GRID2: variants seen among roughly 807,000 people sequenced by gnomAD.
The protein encoded by GRID2 is glutamate receptor ionotropic, delta-2.
Under a neutral mutation model 114.8 loss-of-function variants are expected in GRID2, and 33 were observed. The ratio of observed to expected loss-of-function variants is 0.29; its 90% CI spans 0.22 to 0.38. GRID2 has a LOEUF of 0.38. Ranked by LOEUF, GRID2 falls within the 10% of genes least tolerant of loss-of-function variation. The probability of loss-of-function intolerance (pLI) is 1.00; values close to 1 mark genes in which losing one functional copy is unlikely to be tolerated. For synonymous variants in GRID2, 505 were observed against 449.9 expected (o/e 1.12, Z -1.55); for missense variants, 1,184 against 1,257.7 (o/e 0.94, Z 0.89).
At chr4:92,869,239 T>C (rs1745104814) in intron 2 of GRID2, among the ~76,000 whole-genome samples, 1 of 152,208 alleles carries the variant, frequency 6.6e-6, no homozygotes, top group South Asian at 2.1e-4. Context: ...GTCTAATTTA[T>C]AGCAATATAA....
intron 4 of GRID2, among the ~76,000 whole-genome samples, chr4:93,198,337 C>T (rs1036633500): frequency 2.0e-5 from 3 of 151,906 alleles, no homozygotes; most frequent in African/African-American, 7.3e-5. Context: ...CATGGGGGAG[C>T]AATAATGGAT....
At chr4:93,381,040 C>A (rs1009171793) in intron 8 of GRID2, among the ~76,000 whole-genome samples, 2 of 151,822 alleles carry the variant, frequency 1.3e-5, no homozygotes, top group Non-Finnish European at 2.9e-5. Flanking sequence ...ATATTCTACC[C>A]CAGCCTTTAA....
At chr4:93,075,447 C>A (rs1055713996) in intron 2 of GRID2, among the ~76,000 whole-genome samples, 1 of 151,952 alleles carries the variant, frequency 6.6e-6, no homozygotes, top group Admixed American at 6.6e-5. Flanking sequence ...TACATCTATT[C>A]AAAATTGGAC....
chr4:93,349,989 A>G (rs1760638364), intron 8 of GRID2, among the ~76,000 whole-genome samples: 1 of 152,078 alleles, frequency 6.6e-6, no homozygotes, highest in Non-Finnish European at 1.5e-5. Context: ...ATATATGGTG[A>G]CTTAACAGAA....
chr4:93,042,202 C>A (rs962349160), intron 2 of GRID2, among the ~76,000 whole-genome samples: 1 of 149,528 alleles, frequency 6.7e-6, no homozygotes. Context: ...TGCACCCGGC[C>A]GAAATATACA....
intron 13 of GRID2, among the ~76,000 whole-genome samples, chr4:93,521,137 A>C (rs941617135): frequency 1.3e-5 from 2 of 152,144 alleles, no homozygotes; most frequent in Admixed American, 1.3e-4. Context: ...TCTTTGGCTT[A>C]CGTAGGTGGA....
At chr4:93,019,003 A>G (rs1412464979) in intron 2 of GRID2, among the ~76,000 whole-genome samples, 1 of 152,154 alleles carries the variant, frequency 6.6e-6, no homozygotes, top group Non-Finnish European at 1.5e-5. Context: ...TTATTTCACA[A>G]TATGTGAGTT....
intron 2 of GRID2, among the ~76,000 whole-genome samples, chr4:92,596,351 T>G (rs1261287960): frequency 6.6e-6 from 1 of 152,092 alleles, no homozygotes; most frequent in Non-Finnish European, 1.5e-5. Flanking sequence ...GTGCTCTGGT[T>G]AACTCTGGAC....
Position 92,942,344 on chromosome 4 carries a change from G to C in GRID2, c.245-142651G>C, listed in dbSNP as rs1414481816. Among the ~76,000 whole-genome samples the C allele has an allele frequency of 3.9e-5, 6 of 152,068 alleles. No individual in the cohort carries two copies. The East Asian group carries it at 1.2e-3, about 29-fold the overall frequency. On this transcript the variant is annotated intron_variant, in intron 2 of 15. Transcript: ENST00000282020. ...TGTAATGGCCTTCTTTGTCTCTTCT[G>C]ATATTTGTTGGTTTAAAGTCTGTTT...
chr4:92,450,131 T>C (rs1720826094), intron 1 of GRID2, among the ~76,000 whole-genome samples: 1 of 152,148 alleles, frequency 6.6e-6, no homozygotes, highest in African/African-American at 2.4e-5. Flanking sequence ...TGTTGGAAAA[T>C]AAAGTAGTTT....
chr4:92,885,914 A>C (rs1009666761), intron 2 of GRID2, among the ~76,000 whole-genome samples: 1 of 152,172 alleles, frequency 6.6e-6, no homozygotes, highest in Non-Finnish European at 1.5e-5. Flanking sequence ...ACTGTGTTAA[A>C]ATGTTAACTT....
intron 14 of GRID2, among the ~76,000 whole-genome samples, chr4:93,733,944 C>T (rs888121430): frequency 6.6e-6 from 1 of 151,992 alleles, no homozygotes; most frequent in Non-Finnish European, 1.5e-5. Context: ...TTTTACCTTG[C>T]CCAAAACCTG....
intron 2 of GRID2, among the ~76,000 whole-genome samples, chr4:93,062,018 C>A (rs1727852821): frequency 6.6e-6 from 1 of 152,102 alleles, no homozygotes; most frequent in Non-Finnish European, 1.5e-5. Context: ...CTAGGTAATA[C>A]ATTAGAATAT....
chr4:93,675,720 G>A (rs1216852930), intron 14 of GRID2, among the ~76,000 whole-genome samples: 1 of 152,056 alleles, frequency 6.6e-6, no homozygotes, highest in Non-Finnish European at 1.5e-5. Flanking sequence ...GAGAGAAAGG[G>A]GAAAATGGCC....
chr4:93,156,123 A>G (rs912992963), intron 4 of GRID2, among the ~76,000 whole-genome samples: 15 of 151,866 alleles, frequency 9.9e-5, no homozygotes, highest in Middle Eastern at 3.4e-3. Flanking sequence ...TAATAATTAA[A>G]AATTTTAAAG....
chr4:92,860,198 A>G (rs139143681), intron 2 of GRID2, among the ~76,000 whole-genome samples: 1 of 152,230 alleles, frequency 6.6e-6, no homozygotes, highest in East Asian at 1.9e-4. Context: ...TATAATTTAT[A>G]CTGGAAAATT....
intron 10 of GRID2, among the ~76,000 whole-genome samples, chr4:93,427,465 C>T (rs961390049): frequency 6.6e-6 from 1 of 151,882 alleles, no homozygotes; most frequent in Non-Finnish European, 1.5e-5. Flanking sequence ...AACTCGTGTG[C>T]CTTTCTAAGG....
intron 14 of GRID2, among the ~76,000 whole-genome samples, chr4:93,733,279 T>C (rs950111048): frequency 1.3e-5 from 2 of 151,980 alleles, no homozygotes; most frequent in African/African-American, 4.8e-5. Flanking sequence ...AAAAACCCCA[T>C]AGGAGAATTA....
chr4:92,491,042 A>T (rs887385944), intron 1 of GRID2, among the ~76,000 whole-genome samples: 10 of 152,126 alleles, frequency 6.6e-5, no homozygotes, highest in African/African-American at 2.2e-4. Context: ...TTTACTTATA[A>T]TTTCTCCCTA....
Sources: allele counts gnomAD v4.1 joint callset (sites outside exome capture counted in the v4.1 genomes callset), GRCh38; gene constraint gnomAD v4.1.1; transcripts MANE v1.5; gene names NCBI Gene and HGNC (gene_info 2026-07-23, HGNC 2026-07-21).